Variants in MS4A4A observed in about 807,000 individuals in gnomAD.
MS4A4A encodes the protein membrane-spanning 4-domains subfamily A member 4A.
In MS4A4A, 26 loss-of-function variants were observed where a neutral mutation model predicts 28.0. The observed-to-expected ratio is 0.93, with a 90% confidence interval of 0.68 to 1.29. The LOEUF is 1.29. Among genes scored for constraint, MS4A4A ranks in the 50% most tolerant of loss-of-function variants. MS4A4A has a pLI of 0.00. For synonymous variants in MS4A4A, 86 were observed against 100.8 expected (o/e 0.85, Z 0.88); for missense variants, 290 against 293.1 (o/e 0.99, Z 0.08).
chr11:60,302,782 C>T, intron 5 of MS4A4A, 65 bp downstream of exon 5: 5 of 1,433,560 alleles, frequency 3.5e-6, no homozygotes, highest in Non-Finnish European at 4.8e-6. Context: ...CTGGCTCTGG[C>T]AAAGACAATA....
intron 1 of MS4A4A, among the ~76,000 whole-genome samples, chr11:60,286,069 C>T (rs2084801187): frequency 1.3e-5 from 2 of 152,142 alleles, no homozygotes. Context: ...CAGGGTTATT[C>T]CTTACTGGGA....
At position 60,308,311 on chromosome 11, in the gene MS4A4A, C is replaced by T. The variant is rs2085024214; in HGVS notation, c.*133C>T. On this transcript the variant is annotated 3_prime_UTR_variant, in exon 7 of 7. Coordinates refer to ENST00000337908, the MANE Select transcript of MS4A4A (RefSeq NM_148975.3). ...GTTGATATTATTATTATATGTAATCCAATTATGAACTGTGTGTGTATAGAG... is the reference window on the plus strand; with the variant it reads ...GTTGATATTATTATTATATGTAATCTAATTATGAACTGTGTGTGTATAGAG... 5.4e-6 allele frequency: 4 copies of T among 745,980 alleles called. No homozygotes were observed. In the East Asian group the frequency reaches 1.1e-4, roughly 20 times the overall value. 46.2% of individuals were successfully genotyped at this position (745,980 alleles called of 1,614,324 possible).
At chr11:60,294,779 T>C (rs1219935486) in intron 2 of MS4A4A, among the ~76,000 whole-genome samples, 1 of 152,096 alleles carries the variant, frequency 6.6e-6, no homozygotes, top group Non-Finnish European at 1.5e-5. Context: ...CTCCAGGCTT[T>C]CTACTCTATT....
intron 2 of MS4A4A, 62 bp from the exon 3 acceptor site, chr11:60,297,135 G>A: frequency 6.3e-7 from 1 of 1,594,932 alleles, no homozygotes; most frequent in Non-Finnish European, 8.6e-7. Flanking sequence ...ATTGGAAAGG[G>A]GGTGGCGGAA....
Position 60,308,263 on chromosome 11 carries a change from C to A in MS4A4A, c.*85C>A. 8.0e-7 allele frequency: 1 copy of A among 1,251,296 alleles called. No homozygotes were observed. The highest frequency in any genetic ancestry group is 1.2e-6 in the Non-Finnish European group (1 of 856,588). 77.5% of individuals were successfully genotyped at this position (1,251,296 alleles called of 1,614,324 possible). A position where few individuals can be genotyped will look rare whatever the true frequency, so the allele number is the denominator to read the frequency against. On this transcript the variant is annotated 3_prime_UTR_variant, in exon 7 of 7. Coordinates refer to ENST00000337908, the MANE Select transcript of MS4A4A (RefSeq NM_148975.3). ...GCCTCACATGAGAAATTACCAGTATCCAACTTCGATACTGATAGACTTGTT... is the reference window on the plus strand; with the variant it reads ...GCCTCACATGAGAAATTACCAGTATACAACTTCGATACTGATAGACTTGTT...
intron 6 of MS4A4A, among the ~76,000 whole-genome samples, chr11:60,307,389 T>C (rs1401386276): frequency 6.6e-6 from 1 of 152,176 alleles, no homozygotes; most frequent in Non-Finnish European, 1.5e-5. Flanking sequence ...AGGGAGAGAT[T>C]CTCAGCAATT....
In MS4A4A at chr11:60,283,455, A is replaced by G. The variant is rs117432092; in HGVS notation, c.41+2739A>G. ...ACACTTGTAATTTCATAGCCCTCTTAGGGTTCCTGTTCCCTTTAGCTCTTG... is the reference window on the plus strand; with the variant it reads ...ACACTTGTAATTTCATAGCCCTCTTGGGGTTCCTGTTCCCTTTAGCTCTTG... On this transcript the variant is annotated intron_variant, in intron 1 of 6. Coordinates refer to ENST00000337908, the MANE Select transcript of MS4A4A (RefSeq NM_148975.3). Among the ~76,000 whole-genome samples, 119 of 152,154 alleles carry G rather than the reference A, an allele frequency of 7.8e-4. No individual in the cohort carries two copies. In the East Asian group the frequency reaches 0.017, roughly 22 times the overall value.
In MS4A4A at chr11:60,292,318, C is replaced by T. The variant is rs376623857; in HGVS notation, c.135C>T (p.Val45=). The T allele has an allele frequency of 2.4e-5, 38 of 1,610,270 alleles. No individual in the cohort carries two copies. Among genetic ancestry groups the T allele is most frequent in the Non-Finnish European group, 3.2e-5 (38 of 1,178,372 alleles). ...PGVPQLGNMA[V]IHSHLWKGLQ... is the part of the protein sequence containing the mutation. Reference sequence around the variant, plus strand: ...TGCCCCAGCTGGGAAACATGGCTGTCATACATTCACATCTGTGGAAAGGAT... The same window carrying T: ...TGCCCCAGCTGGGAAACATGGCTGTTATACATTCACATCTGTGGAAAGGAT... The change falls in exon 2 of 7, where the codon GTC becomes GTT. Residue 45 remains valine (V), a synonymous_variant. Transcript: ENST00000337908.
In MS4A4A at chr11:60,308,162, C is replaced by T. The variant is rs770233395; in HGVS notation, c.704C>T (p.Pro235Leu). Residue 235 changes from proline to leucine, a missense_variant, in exon 7 of 7, where the codon CCA becomes CTA. Physicochemically the swap from Pro to Leu is moderately conservative, Grantham distance 98 (BLOSUM62 -3). Transcript: ENST00000337908. Reference sequence around the variant, plus strand: ...ATGGCAGAAACAGCATCTCCCACACCACTTAATGAGGTTTGAGGCCACCAA... The same window carrying T: ...ATGGCAGAAACAGCATCTCCCACACTACTTAATGAGGTTTGAGGCCACCAA... Reference protein sequence around the residue: ...SHMAETASPTPLNEV With the variant: ...SHMAETASPTLLNEV The T allele has an allele frequency of 2.5e-6, 4 of 1,613,974 alleles. No individual in the cohort carries two copies. Among genetic ancestry groups the T allele is most frequent in the Middle Eastern group, 1.6e-4 (1 of 6,062 alleles).
chr11:60,286,925 GGTTT>G (rs1220914162), intron 1 of MS4A4A, among the ~76,000 whole-genome samples: 1 of 151,964 alleles, frequency 6.6e-6, no homozygotes, highest in Non-Finnish European at 1.5e-5. Flanking sequence ...ATTTTGGGGG[GGTTT>G]GTTTTTGTAG....
intron 1 of MS4A4A, chr11:60,282,507 G>C (rs1030076580): frequency 1.6e-5 from 18 of 1,138,486 alleles, no homozygotes; most frequent in Non-Finnish European, 1.8e-5. Context: ...TGGGGGAATA[G>C]TGTCTGAGAG....
chr11:60,300,163 C>T (rs2084939068), intron 3 of MS4A4A, among the ~76,000 whole-genome samples: 1 of 151,856 alleles, frequency 6.6e-6, no homozygotes, highest in African/African-American at 2.4e-5. Context: ...TTAAAAACTC[C>T]AACAATTGAA....
At chr11:60,296,362 T>C (rs547981217) in intron 2 of MS4A4A, among the ~76,000 whole-genome samples, 2 of 152,148 alleles carry the variant, frequency 1.3e-5, no homozygotes, top group East Asian at 3.9e-4. Flanking sequence ...CTCTTTTTCT[T>C]AGGCTGGCTA....
intron 5 of MS4A4A, among the ~76,000 whole-genome samples, chr11:60,303,036 C>A (rs914896792): frequency 6.6e-6 from 1 of 152,054 alleles, no homozygotes; most frequent in Non-Finnish European, 1.5e-5. Flanking sequence ...GTACTGTTAT[C>A]CCCTCTAAAA....
Position 60,291,796 on chromosome 11 carries a change from C to CAAAA in MS4A4A, c.42-420_42-417dup, listed in dbSNP as rs60913455. On this transcript the variant is annotated intron_variant, in intron 1 of 6. Transcript: ENST00000337908. ...CTGGTGACAGCGTGAGACTCCATCT[C>CAAAA]AAAAAAAAAAAACAAAAAAACAAAA... Among the ~76,000 whole-genome samples, 289 of 133,832 alleles carry CAAAA rather than the reference C, an allele frequency of 2.2e-3. 4 individuals carry two copies. Among genetic ancestry groups the CAAAA allele is most frequent in the African/African-American group, 7.3e-3 (253 of 34,850 alleles). 87.8% of individuals were successfully genotyped at this position (133,832 alleles called of 152,430 possible).
At chr11:60,281,101 G>A (rs1233395597) in intron 1 of MS4A4A, among the ~76,000 whole-genome samples, 2 of 152,082 alleles carry the variant, frequency 1.3e-5, no homozygotes, top group South Asian at 2.1e-4. Context: ...GTGTCTGACT[G>A]GTTATTTTTA....
intron 1 of MS4A4A, among the ~76,000 whole-genome samples, chr11:60,290,889 A>G (rs2084849500): frequency 6.6e-6 from 1 of 152,146 alleles, no homozygotes; most frequent in Admixed American, 6.5e-5. Flanking sequence ...TTCTCAACAT[A>G]GCAAATTTGG....
chr11:60,303,244 A>G (rs888720415), intron 5 of MS4A4A, among the ~76,000 whole-genome samples: 6 of 152,108 alleles, frequency 3.9e-5, no homozygotes, highest in Admixed American at 3.3e-4. Flanking sequence ...TTTTGTACCA[A>G]TTGTTCTTAT....
intron 6 of MS4A4A, 133 bp from the exon 7 acceptor site, chr11:60,307,974 C>T (rs1056667268): frequency 3.7e-6 from 3 of 805,578 alleles, no homozygotes; most frequent in Admixed American, 4.3e-5. Flanking sequence ...TGAGAAACCC[C>T]ACATACTTGA....
Sources: gnomAD v4.1 joint callset for allele counts (sites outside exome capture counted in the v4.1 genomes callset) on GRCh38, gnomAD v4.1.1 for gene constraint, MANE v1.5 for transcripts, NCBI Gene and HGNC (gene_info 2026-07-23, HGNC 2026-07-21) for gene names.